Variants in PPP1R12A observed in about 807,000 individuals in gnomAD.
The protein encoded by PPP1R12A is myosin binding subunit.
PPP1R12A carries 19 observed loss-of-function variants against 139.6 expected under a neutral mutation model. The ratio of observed to expected loss-of-function variants is 0.14; its 90% CI spans 0.09 to 0.20. The LOEUF is 0.20. Ranked by LOEUF, PPP1R12A falls within the 10% of genes least tolerant of loss-of-function variation. The pLI is 1.00. For synonymous variants in PPP1R12A, 427 were observed against 420.6 expected (o/e 1.02, Z -0.19); for missense variants, 925 against 1,211.5 (o/e 0.76, Z 3.51).
chr12:79,789,841 A>C (rs1871597038), intron 20 of PPP1R12A, among the ~76,000 whole-genome samples: 1 of 151,886 alleles, frequency 6.6e-6, no homozygotes, highest in Non-Finnish European at 1.5e-5. Flanking sequence ...GCAGTGGCAC[A>C]ACCATAGCTC....
chr12:79,864,444 GCAAA>G (rs2137296986), intron 2 of PPP1R12A, among the ~76,000 whole-genome samples: 1 of 152,128 alleles, frequency 6.6e-6, no homozygotes, highest in Non-Finnish European at 1.5e-5. Context: ...AGAAACAAGA[GCAAA>G]CAAATTCAAA....
rs1876198860 is a variant in PPP1R12A at position 79,822,190 on chromosome 12, C to A, written c.793G>T (p.Gly265Cys). ...TCTGCTACATCAAAGGCTGTTTGGC[C>A]CTACGTAGGAAACAAGGGGGGATGG... ...LCDMEMVNKV[G>C]QTAFDVADED... The change falls in exon 6 of 25, where the codon GGC (glycine) becomes TGC (cysteine). Residue 265 changes from glycine (G) to cysteine (C), a missense_variant and splice_region_variant. Physicochemically the swap from Gly to Cys is radical, Grantham distance 159 (BLOSUM62 -3). Coordinates refer to ENST00000450142, the MANE Select transcript of PPP1R12A (RefSeq NM_002480.3). 1 of 1,583,908 alleles carries A rather than the reference C, an allele frequency of 6.3e-7. No homozygotes were observed. The highest frequency in any genetic ancestry group is 8.6e-7 in the Non-Finnish European group (1 of 1,161,530).
chr12:79,788,627 A>T, intron 21 of PPP1R12A, 21 bp downstream of exon 21: 1 of 1,578,034 alleles, frequency 6.3e-7, no homozygotes, highest in Non-Finnish European at 8.6e-7. Context: ...TTTATTAAAT[A>T]TAACTAAATA....
intron 14 of PPP1R12A, 43 bp from the exon 15 acceptor site, chr12:79,798,627 C>A (rs1248797729): frequency 8.9e-7 from 1 of 1,121,868 alleles, no homozygotes; most frequent in South Asian, 1.5e-5. Flanking sequence ...AAATACAATA[C>A]CTGTGAATGT....
chr12:79,820,975 G>A, intron 7 of PPP1R12A, 44 bp from the exon 8 acceptor site: 1 of 1,606,090 alleles, frequency 6.2e-7, no homozygotes, highest in Admixed American at 1.7e-5. Context: ...AATACAAAAG[G>A]TTAAAATATA....
intron 2 of PPP1R12A, among the ~76,000 whole-genome samples, chr12:79,864,768 C>A (rs1881774026): frequency 6.6e-6 from 1 of 152,116 alleles, no homozygotes; most frequent in Non-Finnish European, 1.5e-5. Flanking sequence ...CAAGATTAAA[C>A]TAGGAAGAAG....
intron 4 of PPP1R12A, among the ~76,000 whole-genome samples, chr12:79,831,431 A>C (rs532945641): frequency 6.6e-6 from 1 of 152,250 alleles, no homozygotes; most frequent in Admixed American, 6.5e-5. Flanking sequence ...AAAAATATGA[A>C]AATTAAGTGG....
intron 3 of PPP1R12A, among the ~76,000 whole-genome samples, chr12:79,833,181 G>A (rs1365978152): frequency 2.0e-5 from 3 of 152,074 alleles, no homozygotes; most frequent in Non-Finnish European, 4.4e-5. Context: ...TGATGTGGAA[G>A]GATCGCTTGA....
rs144372793 is a variant in PPP1R12A, at chr12:79,850,295, AAAAGGTAT to A, written c.369-4883_369-4876del. Among the ~76,000 whole-genome samples, 825 of 152,344 alleles carry A rather than the reference AAAAGGTAT, an allele frequency of 5.4e-3. 5 individuals carry two copies. Among genetic ancestry groups the A allele is most frequent in the African/African-American group, 0.019 (784 of 41,586 alleles). ...TTATGTGCTAACTGGAAAATCTAAC[AAAAGGTAT>A]AAAGTTAACAAAGCTATTGGTTGCA... is the stretch of plus-strand genomic sequence containing the variant. On this transcript the variant is annotated intron_variant, in intron 2 of 24. Coordinates refer to ENST00000450142, the MANE Select transcript of PPP1R12A (RefSeq NM_002480.3).
chr12:79,805,880 C>T (rs1161650799), intron 13 of PPP1R12A, 112 bp from the exon 14 acceptor site: 7 of 1,185,372 alleles, frequency 5.9e-6, no homozygotes, highest in African/African-American at 3.1e-5. Flanking sequence ...TTTTTTAAAA[C>T]GCAAGGTGAG....
In PPP1R12A at chr12:79,829,503, C is replaced by T. The variant is rs140643781; in HGVS notation, c.648-1039G>A. The stretch of plus-strand genomic sequence containing the variant: ...TTTTAAAAATAGATTGCCCAGCTCA[C>T]CCCAGTACTACTCAATCAGCATATG... On this transcript the variant is annotated intron_variant, in intron 4 of 24. Coordinates refer to ENST00000450142, the MANE Select transcript of PPP1R12A (RefSeq NM_002480.3). Among the ~76,000 whole-genome samples, 44 of 152,180 alleles carry T rather than the reference C, an allele frequency of 2.9e-4. No individual in the cohort carries two copies. The East Asian group carries it at 8.5e-3, about 29-fold the overall frequency.
chr12:79,779,010 G>C (rs1386560080), intron 23 of PPP1R12A: 2 of 245,294 alleles, frequency 8.2e-6, no homozygotes, highest in South Asian at 5.2e-5. Flanking sequence ...TGTGTACTTT[G>C]CAATTTCAGA....
intron 2 of PPP1R12A, among the ~76,000 whole-genome samples, chr12:79,859,386 C>A (rs1592726126): frequency 2.9e-5 from 4 of 138,038 alleles, no homozygotes; most frequent in African/African-American, 5.3e-5. Context: ...TGCTCAGGAT[C>A]AAAGAGAGAT....
At chr12:79,922,867 A>G (rs1887548035) in intron 1 of PPP1R12A, among the ~76,000 whole-genome samples, 1 of 152,226 alleles carries the variant, frequency 6.6e-6, no homozygotes, top group Non-Finnish European at 1.5e-5. Context: ...TTTAAAAAGT[A>G]TTTTGTATAA....
intron 2 of PPP1R12A, among the ~76,000 whole-genome samples, chr12:79,871,064 C>G (rs1298764923): frequency 6.6e-6 from 1 of 151,928 alleles, no homozygotes; most frequent in Non-Finnish European, 1.5e-5. Flanking sequence ...CATCTTGTAA[C>G]CAAGAGGGGA....
At chr12:79,904,881 C>T (rs943803590) in intron 1 of PPP1R12A, among the ~76,000 whole-genome samples, 4 of 152,022 alleles carry the variant, frequency 2.6e-5, no homozygotes, top group Non-Finnish European at 4.4e-5. Flanking sequence ...AACTGTTGTT[C>T]AATTATTCAA....
intron 10 of PPP1R12A, among the ~76,000 whole-genome samples, chr12:79,809,122 T>C (rs1435513717): frequency 1.3e-5 from 2 of 152,028 alleles, no homozygotes; most frequent in Non-Finnish European, 2.9e-5. Context: ...GGAAACCAAC[T>C]GCACAGTAAA....
intron 1 of PPP1R12A, among the ~76,000 whole-genome samples, chr12:79,902,369 T>C (rs1885726207): frequency 6.6e-6 from 1 of 152,148 alleles, no homozygotes. Flanking sequence ...CATACAGTAT[T>C]TCATCTAATC....
At chr12:79,843,235 C>T (rs1223506258) in intron 3 of PPP1R12A, among the ~76,000 whole-genome samples, 1 of 151,992 alleles carries the variant, frequency 6.6e-6, no homozygotes, top group African/African-American at 2.4e-5. Flanking sequence ...TTTGTACACC[C>T]ATGTTTGTAC....
Sources: allele counts gnomAD v4.1 joint callset (sites outside exome capture counted in the v4.1 genomes callset), GRCh38; gene constraint gnomAD v4.1.1; transcripts MANE v1.5; gene names NCBI Gene and HGNC (gene_info 2026-07-23, HGNC 2026-07-21).